Variants in DEPDC4 observed in about 807,000 individuals in gnomAD.
The protein encoded by DEPDC4 is DEP domain containing 4, also known as DEP domain-containing protein 4.
A neutral mutation model predicts 52.0 loss-of-function variants in DEPDC4; 52 were observed. That is an observed-to-expected ratio of 1.00 (90% CI 0.80 to 1.26). The LOEUF (loss-of-function observed/expected upper bound fraction) is 1.26. DEPDC4 is among the 50% of genes most tolerant of loss of function. The pLI is 0.00. For missense variants in DEPDC4, 530 were observed against 546.9 expected (o/e 0.97, Z 0.31); for synonymous variants, 201 against 196.8 (o/e 1.02, Z -0.18).
chr12:100,264,669 ACT>A (rs936129133), intron 1 of DEPDC4, among the ~76,000 whole-genome samples: 14 of 150,938 alleles, frequency 9.3e-5, no homozygotes, highest in Non-Finnish European at 2.1e-4. Flanking sequence ...ACAGAGCAAG[ACT>A]CTGTCTCAAA....
In DEPDC4 at chr12:100,266,965, T is replaced by C; in HGVS notation, c.112A>G (p.Ser38Gly). 6.2e-7 allele frequency: 1 copy of C among 1,614,044 alleles called. No homozygotes were observed. ...AAGCCATCTCTACGGTTCCTGGAAC[T>C]TGGCCCGTTCAGCCCTGGGCCCGGA... Reference protein sequence around the residue: ...ELPGPGLNGPSSRNRRDGFCR... With the variant: ...ELPGPGLNGPGSRNRRDGFCR... Residue 38 changes from serine to glycine, a missense_variant, in exon 1 of 10, where the codon AGT (serine) becomes GGT (glycine). Ser to Gly is a moderately conservative substitution (Grantham distance 56). Transcript: ENST00000550587.
Position 100,260,694 on chromosome 12 carries a change from G to A in DEPDC4, c.700+1570C>T, listed in dbSNP as rs966759042. Among the ~76,000 whole-genome samples the A allele has an allele frequency of 8.4e-4, 125 of 148,986 alleles. 1 individual carries two copies. Among genetic ancestry groups the A allele is most frequent in the East Asian group, 1.0e-3 (5 of 4,852 alleles). On this transcript the variant is annotated intron_variant, in intron 3 of 9. Coordinates refer to ENST00000550587, the MANE Select transcript of DEPDC4 (RefSeq NM_001364818.2). ...AGTTCAAGACCAGCTTGGCCAATAT[G>A]GCAAAACCTCATCTCTACTAATAAT...
the DEPDC4 span, among the ~76,000 whole-genome samples, chr12:100,278,361 G>C: frequency 6.6e-6 from 1 of 151,582 alleles, no homozygotes; most frequent in East Asian, 1.9e-4. Flanking sequence ...CACCATACCT[G>C]GATAATTTTT....
At chr12:100,275,145 A>G in the DEPDC4 span, among the ~76,000 whole-genome samples, 1 of 152,170 alleles carries the variant, frequency 6.6e-6, no homozygotes, top group Non-Finnish European at 1.5e-5. Context: ...CATACCCTTG[A>G]AACAGTATTT....
intron 5 of DEPDC4, among the ~76,000 whole-genome samples, chr12:100,252,827 T>C (rs563748838): frequency 9.9e-5 from 15 of 152,002 alleles, no homozygotes; most frequent in African/African-American, 3.4e-4. Context: ...TGTCACTCAA[T>C]TTTCATTTTG....
At chr12:100,270,307 A>G (rs1450778947), upstream of DEPDC4, among the ~76,000 whole-genome samples, 1 of 152,100 alleles carries the variant, frequency 6.6e-6, no homozygotes, top group Admixed American at 6.5e-5. Context: ...ACTTTCTTAA[A>G]TTAAGGAAGA....
At chr12:100,243,536 CA>C (rs2153905048) in intron 8 of DEPDC4, among the ~76,000 whole-genome samples, 1 of 152,298 alleles carries the variant, frequency 6.6e-6, no homozygotes, top group Non-Finnish European at 1.5e-5. Context: ...CATATACGCT[CA>C]CCTTTACTCT....
downstream of DEPDC4, among the ~76,000 whole-genome samples, chr12:100,237,296 C>T (rs2096142782): frequency 6.6e-6 from 1 of 151,854 alleles, no homozygotes; most frequent in Non-Finnish European, 1.5e-5. Context: ...CAACCTCCAC[C>T]TCCCAAGTTC....
chr12:100,257,206 T>G (rs1208888887), intron 3 of DEPDC4, among the ~76,000 whole-genome samples: 4 of 151,710 alleles, frequency 2.6e-5, no homozygotes, highest in African/African-American at 9.7e-5. Context: ...GCCTCCAGAG[T>G]AGCTGGGACT....
rs200666698 is a variant in DEPDC4 at position 100,244,070 on chromosome 12, CCTCT to C, written c.1454-1505_1454-1502del. ...TACTTAGCACAGGCAGAGGTGTCTC[CCTCT>C]CTCTCTCTCTCTCTCTCTGTGTATA... On this transcript the variant is annotated intron_variant, in intron 8 of 9. Coordinates refer to ENST00000550587, the MANE Select transcript of DEPDC4 (RefSeq NM_001364818.2). 6.3e-3 allele frequency among the ~76,000 whole-genome samples: 530 copies of C among 84,094 alleles called. 4 individuals are homozygous for C. The highest frequency in any genetic ancestry group is 0.011 in the African/African-American group (267 of 25,294). 55.2% of individuals were successfully genotyped at this position (84,094 alleles called of 152,430 possible). A position where few individuals can be genotyped will look rare whatever the true frequency, so the allele number is the denominator to read the frequency against.
chr12:100,251,804 G>A (rs1050475441), intron 7 of DEPDC4, among the ~76,000 whole-genome samples: 7 of 152,036 alleles, frequency 4.6e-5, no homozygotes, highest in Admixed American at 1.3e-4. Context: ...CTGACCTCAG[G>A]TGAGTCCACC....
the DEPDC4 span, among the ~76,000 whole-genome samples, chr12:100,272,251 T>A: frequency 2.6e-5 from 4 of 152,034 alleles, no homozygotes; most frequent in South Asian, 2.1e-4. Context: ...TATAACTTTG[T>A]CATTGGAAAA....
upstream of DEPDC4, among the ~76,000 whole-genome samples, chr12:100,270,001 T>G (rs570759808): frequency 2.3e-4 from 35 of 152,010 alleles, no homozygotes; most frequent in African/African-American, 5.3e-4. Flanking sequence ...TTTTTTTTTT[T>G]TGTGAGACGG....
intron 3 of DEPDC4, 136 bp from the exon 4 acceptor site, chr12:100,256,362 TGCTTA>T: frequency 1.8e-6 from 1 of 548,418 alleles, no homozygotes; most frequent in African/African-American, 1.9e-5. Flanking sequence ...GTTAATTTAA[TGCTTA>T]GATAATTTAC....
At chr12:100,243,376 T>G (rs557635013) in intron 8 of DEPDC4, among the ~76,000 whole-genome samples, 1 of 152,290 alleles carries the variant, frequency 6.6e-6, no homozygotes, top group Admixed American at 6.5e-5. Flanking sequence ...TATTTCAAAC[T>G]ATTCCCTTCT....
chr12:100,240,040 C>T (rs1357467473), downstream of DEPDC4, among the ~76,000 whole-genome samples: 3 of 152,130 alleles, frequency 2.0e-5, no homozygotes, highest in Non-Finnish European at 4.4e-5. Context: ...AGGTTTTATA[C>T]AAAAAGATAA....
intron 1 of DEPDC4, among the ~76,000 whole-genome samples, chr12:100,266,548 C>T (rs2096274257): frequency 6.6e-6 from 1 of 152,316 alleles, no homozygotes; most frequent in East Asian, 1.9e-4. Context: ...AGTACATTAA[C>T]CCCTTGTTGC....
chr12:100,255,517 G>T (rs1236968887), intron 4 of DEPDC4, among the ~76,000 whole-genome samples: 1 of 152,146 alleles, frequency 6.6e-6, no homozygotes, highest in Non-Finnish European at 1.5e-5. Context: ...AGTACTCAAG[G>T]TCTAATGCCT....
chr12:100,272,704 T>A, the DEPDC4 span, among the ~76,000 whole-genome samples: 1 of 152,268 alleles, frequency 6.6e-6, no homozygotes, highest in East Asian at 1.9e-4. Flanking sequence ...ACTGTGAAAT[T>A]GGGGGTGGGG....
Sources: allele counts gnomAD v4.1 joint callset (sites outside exome capture counted in the v4.1 genomes callset), GRCh38; gene constraint gnomAD v4.1.1; transcripts MANE v1.5; gene names NCBI Gene and HGNC (gene_info 2026-07-23, HGNC 2026-07-21).